The following PICALM variants were observed in gnomAD, a reference collection of about 807,000 sequenced individuals.
PICALM encodes phosphatidylinositol-binding clathrin assembly protein.
In PICALM, 40 loss-of-function variants were observed where a neutral mutation model predicts 80.5. The observed-to-expected ratio is 0.50, with a 90% CI of 0.39 to 0.65. PICALM has a LOEUF of 0.65. Among genes scored for constraint, PICALM ranks in the 30% least tolerant of loss-of-function variants. PICALM has a pLI of 0.00. For missense variants in PICALM, 676 were observed against 778.9 expected (o/e 0.87, Z 1.57); for synonymous variants, 288 against 260.3 (o/e 1.11, Z -1.02).
At chr11:86,052,270 C>T (rs1219182324) in intron 1 of PICALM, among the ~76,000 whole-genome samples, 1 of 152,154 alleles carries the variant, frequency 6.6e-6, no homozygotes, top group Non-Finnish European at 1.5e-5. Context: ...CCCTTTCTGC[C>T]ATAATTGTAA....
chr11:85,978,010 T>C, intron 17 of PICALM: 1 of 1,262,456 alleles, frequency 7.9e-7, no homozygotes, highest in Non-Finnish European at 1.2e-6. Flanking sequence ...GAGATTCTGC[T>C]ACAGCAGTGG....
At chr11:86,031,904 A>C (rs1304649719) in intron 1 of PICALM, among the ~76,000 whole-genome samples, 1 of 152,226 alleles carries the variant, frequency 6.6e-6, no homozygotes, top group Non-Finnish European at 1.5e-5. Context: ...AATTGTTTCA[A>C]GGTTTTGAGG....
At chr11:85,998,488 T>G (rs1173870238) in intron 11 of PICALM, among the ~76,000 whole-genome samples, 1 of 151,860 alleles carries the variant, frequency 6.6e-6, no homozygotes, top group Non-Finnish European at 1.5e-5. Context: ...TACAGATAAT[T>G]TTTTTAAGAG....
chr11:85,987,999 C>A (rs1376383378), intron 13 of PICALM, among the ~76,000 whole-genome samples: 1 of 152,186 alleles, frequency 6.6e-6, no homozygotes, highest in Non-Finnish European at 1.5e-5. Context: ...ATCAAATGCC[C>A]TAATAAATTC....
At chr11:86,047,871 G>A (rs147832603) in intron 1 of PICALM, among the ~76,000 whole-genome samples, 4 of 152,184 alleles carry the variant, frequency 2.6e-5, no homozygotes, top group African/African-American at 4.8e-5. Flanking sequence ...AGGCTGAGGC[G>A]GGCAGATCAC....
chr11:86,000,345 G>A (rs1663340345), intron 11 of PICALM, among the ~76,000 whole-genome samples: 1 of 152,166 alleles, frequency 6.6e-6, no homozygotes, highest in South Asian at 2.1e-4. Context: ...ACCATTAGAT[G>A]CCTCATAAAT....
At chr11:86,008,977 C>T (rs1307783026) in intron 7 of PICALM, among the ~76,000 whole-genome samples, 2 of 146,360 alleles carry the variant, frequency 1.4e-5, no homozygotes, top group African/African-American at 5.0e-5. Flanking sequence ...AGAAAAAAAG[C>T]GTAAGGTAAG....
intron 1 of PICALM, among the ~76,000 whole-genome samples, chr11:86,060,442 T>C (rs2096341540): frequency 6.6e-6 from 1 of 152,198 alleles, no homozygotes. Flanking sequence ...ATAGTTGAAT[T>C]ATCATTATCT....
intron 14 of PICALM, 73 bp downstream of exon 14, chr11:85,983,790 AAGC>A (rs2094507057): frequency 1.6e-6 from 1 of 638,660 alleles, no homozygotes; most frequent in Non-Finnish European, 2.7e-6. Context: ...AACATTTTAA[AAGC>A]AGCATTATTT....
intron 17 of PICALM, among the ~76,000 whole-genome samples, chr11:85,979,389 C>G (rs1425950195): frequency 2.0e-5 from 3 of 151,568 alleles, no homozygotes; most frequent in African/African-American, 7.3e-5. Flanking sequence ...ACTCGGGAGG[C>G]TAAGGCAGGA....
chr11:85,961,124 A>G (rs2135278641), intron 19 of PICALM, among the ~76,000 whole-genome samples: 1 of 152,268 alleles, frequency 6.6e-6, no homozygotes, highest in South Asian at 2.1e-4. Flanking sequence ...ACATAATTGC[A>G]TTTTTGTTTA....
At chr11:86,043,507 G>A (rs1451098702) in intron 1 of PICALM, among the ~76,000 whole-genome samples, 1 of 152,104 alleles carries the variant, frequency 6.6e-6, no homozygotes, top group Non-Finnish European at 1.5e-5. Flanking sequence ...TAAAAAACAA[G>A]AACATGGTCT....
rs1047994302 is a variant in PICALM, at chr11:86,014,798, T to C, written c.546+72A>G. On this transcript the variant is annotated intron_variant, in intron 5 of 19. Transcript: ENST00000393346. ...TGAAAAACTAGAGTCTGTGAAAACT[T>C]GAGGTTAAAAATTCTCATGAATTAT... The C allele has an allele frequency of 5.7e-5, 46 of 800,154 alleles. No individual in the cohort carries two copies. In the Middle Eastern group the frequency reaches 1.7e-3, roughly 30 times the overall value. The allele number at this position is 800,154 out of a possible 1,614,324, so 49.6% of individuals were successfully genotyped here. A position where few individuals can be genotyped will look rare whatever the true frequency, so the allele number is the denominator to read the frequency against.
intron 5 of PICALM, among the ~76,000 whole-genome samples, chr11:86,014,205 A>G (rs2095443695): frequency 6.6e-6 from 1 of 152,182 alleles, no homozygotes; most frequent in African/African-American, 2.4e-5. Flanking sequence ...TTAAAGGAAA[A>G]ATCTATTTCA....
At chr11:85,999,472 T>C (rs1447841012) in intron 11 of PICALM, among the ~76,000 whole-genome samples, 1 of 152,216 alleles carries the variant, frequency 6.6e-6, no homozygotes, top group African/African-American at 2.4e-5. Context: ...CAGACTTCTT[T>C]TCAAGATCTC....
intron 1 of PICALM, among the ~76,000 whole-genome samples, chr11:86,047,163 A>T (rs958897036): frequency 6.6e-6 from 1 of 151,994 alleles, no homozygotes; most frequent in African/African-American, 2.4e-5. Context: ...ACACACACAC[A>T]CTCTACCCCC....
intron 1 of PICALM, among the ~76,000 whole-genome samples, chr11:86,058,313 T>C (rs1046957363): frequency 1.3e-5 from 2 of 152,148 alleles, no homozygotes; most frequent in Non-Finnish European, 2.9e-5. Context: ...AGAAGAAACA[T>C]GTAAATTAAA....
chr11:86,056,135 T>TAAAAAAAAAAAAAAAAAAAAAA (rs763444775), intron 1 of PICALM, among the ~76,000 whole-genome samples: 2 of 117,350 alleles, frequency 1.7e-5, no homozygotes, highest in Non-Finnish European at 1.7e-5. Flanking sequence ...ACTCTGTCTT[T>TAAAAAAAAAAAAAAAAAAAAAA]AAAAAAAAAA....
chr11:86,053,198 C>T (rs771213717), intron 1 of PICALM, among the ~76,000 whole-genome samples: 9 of 152,230 alleles, frequency 5.9e-5, no homozygotes, highest in Non-Finnish European at 1.2e-4. Context: ...AAGCTGCTTC[C>T]ATAAGCAGGG....
Sources: allele counts gnomAD v4.1 joint callset (sites outside exome capture counted in the v4.1 genomes callset), GRCh38; gene constraint gnomAD v4.1.1; transcripts MANE v1.5; gene names NCBI Gene and HGNC (gene_info 2026-07-23, HGNC 2026-07-21).